Variants in SRPK1 observed in about 807,000 individuals in gnomAD.
SRPK1 encodes the protein SRSF protein kinase 1.
A neutral mutation model predicts 89.5 loss-of-function variants in SRPK1; 52 were observed. That is an observed-to-expected ratio of 0.58 (90% confidence interval 0.46 to 0.73). SRPK1 has a LOEUF of 0.73. SRPK1 is among the 30% of genes least tolerant of loss of function. SRPK1 has a pLI of 0.00. For missense variants in SRPK1, 603 were observed against 780.6 expected (o/e 0.77, Z 2.71); for synonymous variants, 255 against 270.2 (o/e 0.94, Z 0.55).
Position 35,890,934 on chromosome 6 carries a change from C to G in SRPK1, c.154G>C (p.Asp52His). ...PEQEEEILGS[D>H]DDEQEDPNDY... ...TTAGGATCTTCTTGCTCATCATCAT[C>G]AGATCCCAGAATCTCCTCTTCCTGC... The change falls in exon 3 of 16, where the codon GAT (aspartate) becomes CAT (histidine). Residue 52 changes from aspartate (D) to histidine (H), a missense_variant. Coordinates refer to ENST00000373825, the MANE Select transcript of SRPK1 (RefSeq NM_003137.5). The G allele has an allele frequency of 1.3e-6, 2 of 1,553,982 alleles. No homozygotes were observed. The highest frequency in any genetic ancestry group is 1.7e-6 in the Non-Finnish European group (2 of 1,147,802).
chr6:35,899,659 G>A (rs1381735695), intron 2 of SRPK1, among the ~76,000 whole-genome samples: 1 of 152,184 alleles, frequency 6.6e-6, no homozygotes, highest in Non-Finnish European at 1.5e-5. Context: ...ACTTTACAAA[G>A]AAGGAAGTGC....
intron 13 of SRPK1, among the ~76,000 whole-genome samples, chr6:35,844,450 A>G (rs1182738982): frequency 2.0e-5 from 3 of 152,190 alleles, no homozygotes; most frequent in Non-Finnish European, 4.4e-5. Flanking sequence ...GTTGGGGCAT[A>G]TTCTCAATTT....
In SRPK1 at chr6:35,838,352, A is replaced by T. The variant is rs762594044; in HGVS notation, c.1768T>A (p.Phe590Ile). The T allele has an allele frequency of 1.9e-6, 3 of 1,569,412 alleles. No individual in the cohort carries two copies. The highest frequency in any genetic ancestry group is 2.6e-6 in the Non-Finnish European group (3 of 1,167,366). The change falls in exon 15 of 16, where the codon TTT becomes ATT. Residue 590 changes from phenylalanine to isoleucine, a missense_variant. By Grantham distance (21) the Phe-to-Ile change is conservative. Coordinates refer to ENST00000373825, the MANE Select transcript of SRPK1 (RefSeq NM_003137.5). Reference sequence around the variant, plus strand: ...TTTACTTTACCTTTTTTGGTGAAAAATTCCTTGGAATATTTTCCTGCCACA... The same window carrying T: ...TTTACTTTACCTTTTTTGGTGAAAATTTCCTTGGAATATTTTCCTGCCACA... ...LIVAGKYSKE[F>I]FTKKGDLKHI...
chr6:35,890,368 TAAG>T (rs997837293), intron 3 of SRPK1, among the ~76,000 whole-genome samples: 2 of 152,234 alleles, frequency 1.3e-5, no homozygotes, highest in Non-Finnish European at 2.9e-5. Flanking sequence ...CAGCTGAGAA[TAAG>T]AAGGACCACA....
chr6:35,877,509 T>C (rs1021667305), intron 6 of SRPK1, among the ~76,000 whole-genome samples: 1 of 152,136 alleles, frequency 6.6e-6, no homozygotes, highest in Non-Finnish European at 1.5e-5. Context: ...ATTCCATATG[T>C]TCAAAAAATT....
chr6:35,902,407 C>T (rs1488486261), intron 2 of SRPK1, among the ~76,000 whole-genome samples: 1 of 151,126 alleles, frequency 6.6e-6, no homozygotes, highest in East Asian at 1.9e-4. Flanking sequence ...AAAGTGAGAC[C>T]CTGTTTCTAA....
chr6:35,920,606 G>A, intron 1 of SRPK1, 78 bp from the exon 2 acceptor site: 2 of 1,376,222 alleles, frequency 1.5e-6, no homozygotes, highest in Non-Finnish European at 2.0e-6. Context: ...ACCCAGCAGG[G>A]GCGCCAGGCC....
intron 2 of SRPK1, among the ~76,000 whole-genome samples, chr6:35,910,552 C>T (rs11962622): frequency 6.6e-6 from 1 of 152,136 alleles, no homozygotes; most frequent in Admixed American, 6.5e-5. Context: ...TACCTAGATG[C>T]TAAGATAATT....
chr6:35,880,746 A>AAAAAAAAG (rs1770263877), intron 6 of SRPK1, among the ~76,000 whole-genome samples: 13 of 89,208 alleles, frequency 1.5e-4, no homozygotes, highest in Non-Finnish European at 2.5e-4. Flanking sequence ...AAAAAAAAAA[A>AAAAAAAAG]AAAAGAAAAG....
In SRPK1 at chr6:35,838,337, C is replaced by CT; in HGVS notation, c.1782dup (p.Gly595ArgfsTer2). On this transcript the variant is annotated frameshift_variant and splice_region_variant, in exon 15 of 16. Coordinates refer to ENST00000373825, the MANE Select transcript of SRPK1 (RefSeq NM_003137.5). LOFTEE classifies it high-confidence loss of function. ...ATGTCTGGGAACACATTTACTTTAC[C>CT]TTTTTTGGTGAAAAATTCCTTGGAA... 1.3e-6 allele frequency: 2 copies of CT among 1,562,154 alleles called. No individual in the cohort carries two copies. Among genetic ancestry groups the CT allele is most frequent in the South Asian group, 1.2e-5 (1 of 81,138 alleles).
At chr6:35,901,520 T>C (rs1770738495) in intron 2 of SRPK1, among the ~76,000 whole-genome samples, 1 of 152,220 alleles carries the variant, frequency 6.6e-6, no homozygotes, top group African/African-American at 2.4e-5. Context: ...AAATTTCTGT[T>C]GTTTAGCCAC....
At chr6:35,919,913 A>T (rs1042050064) in intron 2 of SRPK1, among the ~76,000 whole-genome samples, 1 of 152,258 alleles carries the variant, frequency 6.6e-6, no homozygotes, top group Non-Finnish European at 1.5e-5. Context: ...GTCTGCCGGC[A>T]CACTGCAAAA....
Position 35,872,576 on chromosome 6 carries a change from A to G in SRPK1, c.738T>C (p.Pro246=). Reference sequence around the variant, plus strand: ...AAGAAAATACACCTGCAGATCCGGAAGGCGGAGGAGCTCCAGATCGCTGCC... The same window carrying G: ...AAGAAAATACACCTGCAGATCCGGAGGGCGGAGGAGCTCCAGATCGCTGCC... ...TEWQRSGAPP[P]SGSAVSTAPQ... is the part of the protein sequence containing the mutation. The change falls in exon 8 of 16, where the codon CCT becomes CCC. Residue 246 remains proline, a synonymous_variant. Transcript: ENST00000373825. 1 of 1,603,590 alleles carries G rather than the reference A, an allele frequency of 6.2e-7. No individual in the cohort carries two copies. Among genetic ancestry groups the G allele is most frequent in the South Asian group, 1.1e-5 (1 of 87,492 alleles).
rs1344039596 is a variant in SRPK1, at chr6:35,833,615, T to C, written c.*1689A>G. ...ACTTAAAATTCTTTCTACAGGAACA[T>C]GTCTGATTTCAGGAGTACCCAATGA... On this transcript the variant is annotated 3_prime_UTR_variant, in exon 16 of 16. Coordinates refer to ENST00000373825, the MANE Select transcript of SRPK1 (RefSeq NM_003137.5). The C allele has an allele frequency of 2.0e-5, 3 of 152,682 alleles. No homozygotes were observed. Among genetic ancestry groups the C allele is most frequent in the Non-Finnish European group, 4.4e-5 (3 of 68,044 alleles). 9.5% of individuals were successfully genotyped at this position (152,682 alleles called of 1,614,324 possible).
intron 6 of SRPK1, among the ~76,000 whole-genome samples, chr6:35,878,802 C>T (rs1245622004): frequency 2.0e-5 from 3 of 152,132 alleles, no homozygotes; most frequent in Admixed American, 6.6e-5. Flanking sequence ...AAGACTAGGA[C>T]ATTTACGGCC....
At chr6:35,885,690 A>C (rs1044999876) in intron 6 of SRPK1, among the ~76,000 whole-genome samples, 4 of 152,252 alleles carry the variant, frequency 2.6e-5, no homozygotes, top group Admixed American at 1.3e-4. Flanking sequence ...AACAGCTTAT[A>C]AACAGGTGAT....
At chr6:35,854,096 A>T (rs1277888105) in intron 13 of SRPK1, among the ~76,000 whole-genome samples, 2 of 152,044 alleles carry the variant, frequency 1.3e-5, no homozygotes, top group African/African-American at 2.4e-5. Context: ...GGTTACAGGC[A>T]TGTGCCACCA....
At chr6:35,861,352 G>C (rs2127238189) in intron 12 of SRPK1, among the ~76,000 whole-genome samples, 1 of 152,318 alleles carries the variant, frequency 6.6e-6, no homozygotes, top group Admixed American at 6.5e-5. Flanking sequence ...CTAAAGATTG[G>C]ACAGATGTTG....
chr6:35,894,620 A>ACT (rs1312127903), intron 2 of SRPK1, among the ~76,000 whole-genome samples: 2 of 152,094 alleles, frequency 1.3e-5, no homozygotes, highest in Non-Finnish European at 2.9e-5. Flanking sequence ...TGTTAAGAAG[A>ACT]CTCTAAAGGC....
Sources: allele counts gnomAD v4.1 joint callset (sites outside exome capture counted in the v4.1 genomes callset), GRCh38; gene constraint gnomAD v4.1.1; transcripts MANE v1.5; gene names NCBI Gene and HGNC (gene_info 2026-07-23, HGNC 2026-07-21).